Variants in LRP1B observed in about 807,000 individuals in gnomAD.
The protein encoded by LRP1B is LDL receptor related protein 1B, also known as low-density lipoprotein receptor-related protein 1B.
A neutral mutation model predicts 556.6 loss-of-function variants in LRP1B; 217 were observed. The observed-to-expected ratio is 0.39, with a 90% confidence interval of 0.35 to 0.44. The LOEUF is 0.44. Among genes scored for constraint, LRP1B ranks in the 20% least tolerant of loss-of-function variants. The pLI is 1.00. For synonymous variants in LRP1B, 2,047 were observed against 1,865.8 expected (o/e 1.10, Z -2.50); for missense variants, 5,053 against 5,620.8 (o/e 0.90, Z 3.23).
Position 140,507,144 on chromosome 2 carries a change from G to T in LRP1B, c.8399-226C>A, listed in dbSNP as rs1267563344. 3.3e-5 allele frequency among the ~76,000 whole-genome samples: 5 copies of T among 152,130 alleles called. No individual in the cohort carries two copies. The East Asian group carries it at 9.6e-4, about 29-fold the overall frequency. ...CATAATTCAAGGATTTAGTATTCAT[G>T]AATTCAACTATTCCAGAGTGACCCT... On this transcript the variant is annotated intron_variant, in intron 52 of 90. Transcript: ENST00000389484.
intron 1 of LRP1B, among the ~76,000 whole-genome samples, chr2:142,047,443 G>A (rs1329305967): frequency 1.3e-5 from 2 of 151,794 alleles, no homozygotes; most frequent in African/African-American, 4.8e-5. Flanking sequence ...TCGTTTATAG[G>A]TTTGCTTATT....
intron 46 of LRP1B, 105 bp downstream of exon 46, chr2:140,536,476 A>G (rs1271979639): frequency 9.0e-7 from 1 of 1,105,282 alleles, no homozygotes; most frequent in Non-Finnish European, 1.3e-6. Context: ...AATGAGAGAC[A>G]TTAAATAAAT....
intron 86 of LRP1B, among the ~76,000 whole-genome samples, chr2:140,266,686 C>A (rs1244043887): frequency 1.3e-5 from 2 of 151,918 alleles, no homozygotes; most frequent in Non-Finnish European, 2.9e-5. Flanking sequence ...AGATGTTCAA[C>A]CCTTTCTTTC....
intron 31 of LRP1B, among the ~76,000 whole-genome samples, chr2:140,831,309 C>A (rs571122367): frequency 6.6e-6 from 1 of 151,946 alleles, no homozygotes; most frequent in Non-Finnish European, 1.5e-5. Flanking sequence ...CGGCATGGTG[C>A]GATATAAAAA....
chr2:141,011,915 G>T (rs775066876), intron 14 of LRP1B, among the ~76,000 whole-genome samples: 1 of 151,788 alleles, frequency 6.6e-6, no homozygotes, highest in Non-Finnish European at 1.5e-5. Flanking sequence ...CCTATATGTA[G>T]GGTAACCTTA....
Position 140,769,256 on chromosome 2 carries a change from A to T in LRP1B, c.5715T>A (p.Pro1905=), listed in dbSNP as rs2104934556. ...CCACGGCAAATGAAGTTCCTGATAT[A>T]GGCATCAAAGCATCCATTTTGTCAC... ...EPSDKMDALM[P]ISGTSFAVGI... The change falls in exon 35 of 91, where the codon CCT becomes CCA. Residue 1905 remains proline (P), a synonymous_variant. Coordinates refer to ENST00000389484, the MANE Select transcript of LRP1B (RefSeq NM_018557.3). 6.2e-7 allele frequency: 1 copy of T among 1,612,362 alleles called. No homozygotes were observed. Among genetic ancestry groups the T allele is most frequent in the African/African-American group, 1.3e-5 (1 of 74,956 alleles).
rs533515524 is a variant in LRP1B, at chr2:141,189,695, A to T, written c.851-1112T>A. Among the ~76,000 whole-genome samples the T allele has an allele frequency of 6.6e-5, 10 of 152,136 alleles. No individual in the cohort carries two copies. In the East Asian group the frequency reaches 1.9e-3, roughly 30 times the overall value. ...CTGTCCCATAAAGTAACCACTAGCCAAATTTAACAAGTGACTACTATGACT... is the reference window on the plus strand; with the variant it reads ...CTGTCCCATAAAGTAACCACTAGCCTAATTTAACAAGTGACTACTATGACT... On this transcript the variant is annotated intron_variant, in intron 6 of 90. Coordinates refer to ENST00000389484, the MANE Select transcript of LRP1B (RefSeq NM_018557.3).
In LRP1B at chr2:141,188,408, A is replaced by G; in HGVS notation, c.1013+13T>C. 6.2e-6 allele frequency: 10 copies of G among 1,608,502 alleles called. No homozygotes were observed. Among genetic ancestry groups the G allele is most frequent in the Non-Finnish European group, 7.6e-6 (9 of 1,177,658 alleles). On this transcript the variant is annotated intron_variant, in intron 7 of 90. Transcript: ENST00000389484. Reference sequence around the variant, plus strand: ...AAACTTTTTTAGACCAAACACTATAAAGAATTTCTTACCCTGCTATTGGAT... The same window carrying G: ...AAACTTTTTTAGACCAAACACTATAGAGAATTTCTTACCCTGCTATTGGAT...
chr2:141,197,907 C>T (rs1248064196), intron 6 of LRP1B, among the ~76,000 whole-genome samples: 1 of 151,950 alleles, frequency 6.6e-6, no homozygotes, highest in African/African-American at 2.4e-5. Context: ...CAGAAAAATT[C>T]CAAATCCAGA....
chr2:140,357,440 G>A (rs971309691), intron 74 of LRP1B, among the ~76,000 whole-genome samples: 2 of 151,022 alleles, frequency 1.3e-5, no homozygotes, highest in African/African-American at 2.4e-5. Flanking sequence ...CTGAATTTAG[G>A]ATCATACATT....
intron 41 of LRP1B, among the ~76,000 whole-genome samples, chr2:140,611,602 A>T (rs1263640017): frequency 6.6e-6 from 1 of 152,144 alleles, no homozygotes; most frequent in Non-Finnish European, 1.5e-5. Context: ...TAAGTACAGA[A>T]AATTCAAAGA....
At chr2:141,841,970 G>A (rs956626122) in intron 1 of LRP1B, among the ~76,000 whole-genome samples, 18 of 152,106 alleles carry the variant, frequency 1.2e-4, no homozygotes, top group Non-Finnish European at 1.9e-4. Context: ...GCTAGAGTAA[G>A]TATTAAAGAG....
chr2:141,534,559 T>C lies in LRP1B; in HGVS notation c.206-54026A>G, dbSNP rs143510064. Among the ~76,000 whole-genome samples, 19 of 152,240 alleles carry C rather than the reference T, an allele frequency of 1.2e-4. No individual in the cohort carries two copies. In the East Asian group the frequency reaches 3.7e-3, roughly 29 times the overall value. ...AACCTACATCATCACTCCTGAGGTC[T>C]AAATAAGCCACTGTCTTTCCAGCTC... is the stretch of plus-strand genomic sequence containing the variant. On this transcript the variant is annotated intron_variant, in intron 2 of 90. Coordinates refer to ENST00000389484, the MANE Select transcript of LRP1B (RefSeq NM_018557.3).
chr2:141,310,473 T>C (rs1195429636), intron 3 of LRP1B, among the ~76,000 whole-genome samples: 1 of 152,214 alleles, frequency 6.6e-6, no homozygotes, highest in Admixed American at 6.5e-5. Context: ...CAGAGTGATA[T>C]ATACCTTCCA....
At chr2:141,433,385 G>T (rs1416663923) in intron 3 of LRP1B, among the ~76,000 whole-genome samples, 6 of 151,998 alleles carry the variant, frequency 3.9e-5, no homozygotes, top group Admixed American at 3.3e-4. Context: ...TGGTTGAAGT[G>T]TTCTATAGAT....
At chr2:140,911,667 A>G (rs1253810847) in intron 21 of LRP1B, among the ~76,000 whole-genome samples, 1 of 151,806 alleles carries the variant, frequency 6.6e-6, no homozygotes, top group Non-Finnish European at 1.5e-5. Context: ...ATTGTAGTCT[A>G]AAATATGACA....
At chr2:141,483,209 G>T (rs544741391) in intron 2 of LRP1B, among the ~76,000 whole-genome samples, 136 of 146,924 alleles carry the variant, frequency 9.3e-4, no homozygotes, top group African/African-American at 3.3e-3. Context: ...GAGAACATGC[G>T]GTGTTTGGTT....
chr2:140,295,170 G>A (rs912979466), intron 84 of LRP1B, among the ~76,000 whole-genome samples: 9 of 152,130 alleles, frequency 5.9e-5, no homozygotes, highest in Non-Finnish European at 1.0e-4. Context: ...GAGCCACTGC[G>A]CCTGGCTAAT....
intron 1 of LRP1B, among the ~76,000 whole-genome samples, chr2:141,934,880 G>A (rs1363943407): frequency 6.6e-6 from 1 of 152,184 alleles, no homozygotes; most frequent in East Asian, 1.9e-4. Context: ...CCAGTCTTGG[G>A]TATATCTTCA....
Sources: allele counts gnomAD v4.1 joint callset (sites outside exome capture counted in the v4.1 genomes callset), GRCh38; gene constraint gnomAD v4.1.1; transcripts MANE v1.5; gene names NCBI Gene and HGNC (gene_info 2026-07-23, HGNC 2026-07-21).